Variants in PRDM11 observed in about 807,000 individuals in gnomAD.
PRDM11 encodes the protein PR domain-containing protein 11.
Under a neutral mutation model 97.8 loss-of-function variants are expected in PRDM11, and 20 were observed. That is an observed-to-expected ratio of 0.20 (90% confidence interval 0.14 to 0.30). The LOEUF is 0.30. Among genes scored for constraint, PRDM11 ranks in the 10% least tolerant of loss-of-function variants. The pLI, the probability that PRDM11 is intolerant of heterozygous loss-of-function variation, is 1.00. For synonymous variants in PRDM11, 599 were observed against 637.7 expected, an observed-to-expected ratio of 0.94 and a Z score of 0.91; for missense variants, 1,139 against 1,555.2, an observed-to-expected ratio of 0.73 and a Z score of 4.50.
At chr11:45,108,281 C>A (rs1374059244) in intron 1 of PRDM11, among the ~76,000 whole-genome samples, 1 of 152,224 alleles carries the variant, frequency 6.6e-6, no homozygotes, top group East Asian at 1.9e-4. Context: ...CGCTGCCCTG[C>A]TGCCCTGGCC....
intron 1 of PRDM11, among the ~76,000 whole-genome samples, chr11:45,167,160 G>T (rs1852084026): frequency 6.6e-6 from 1 of 152,206 alleles, no homozygotes; most frequent in African/African-American, 2.4e-5. Context: ...CTGGCACAAA[G>T]TAGGTGCTCA....
chr11:45,224,646 A>T lies in PRDM11; in HGVS notation c.1172A>T (p.Asp391Val). 6.2e-7 allele frequency: 1 copy of T among 1,614,226 alleles called. No individual in the cohort carries two copies. The highest frequency in any genetic ancestry group is 2.2e-5 in the East Asian group (1 of 44,878). Residue 391 changes from aspartate to valine, a missense_variant, in exon 7 of 8, where the codon GAC (aspartate) becomes GTC (valine). Asp to Val is a radical substitution (Grantham distance 152). Transcript: ENST00000683152. ...GAGGAGCCTTCATCATTCAAGGCCG[A>T]CAGTCCTGCCGAGGCCTCCCTTGCA... is the stretch of plus-strand genomic sequence containing the variant. The part of the protein sequence containing the change: ...EEEEPSSFKA[D>V]SPAEASLASD...
chr11:45,163,920 C>T (rs1314222084), intron 1 of PRDM11, among the ~76,000 whole-genome samples: 1 of 152,106 alleles, frequency 6.6e-6, no homozygotes, highest in Non-Finnish European at 1.5e-5. Flanking sequence ...GTGGGGCTCG[C>T]CAGGATCCAC....
At position 45,150,412 on chromosome 11, in the gene PRDM11, GT is replaced by G. The variant is rs1851631846; in HGVS notation, c.-7+3538del. On this transcript the variant is annotated intron_variant, in intron 1 of 7. Transcript: ENST00000683152. Reference sequence around the variant, plus strand: ...AGGGTTGCTTTGAGTGTGCTGTTGGGTTTGCACTTGAGAGTTGCTCACCAAA... The same window carrying G: ...AGGGTTGCTTTGAGTGTGCTGTTGGGTTGCACTTGAGAGTTGCTCACCAAA... Among the ~76,000 whole-genome samples, 6 of 152,324 alleles carry G rather than the reference GT, an allele frequency of 3.9e-5. No individual in the cohort carries two copies. In the South Asian group the frequency reaches 1.2e-3, roughly 32 times the overall value.
At chr11:45,193,884 C>T (rs2135767116) in intron 4 of PRDM11, among the ~76,000 whole-genome samples, 1 of 152,336 alleles carries the variant, frequency 6.6e-6, no homozygotes. Flanking sequence ...GGGTTCTTGG[C>T]TTCTCTCTCT....
rs1421482014 is a variant in PRDM11 at position 45,231,366 on chromosome 11, G to A, written c.*3207G>A. 1 of 152,128 alleles carries A rather than the reference G, an allele frequency of 6.6e-6. No homozygotes were observed. Among genetic ancestry groups the A allele is most frequent in the Non-Finnish European group, 1.5e-5 (1 of 68,056 alleles). 9.4% of individuals were successfully genotyped at this position (152,128 alleles called of 1,614,324 possible). On this transcript the variant is annotated 3_prime_UTR_variant, in exon 8 of 8. Coordinates refer to ENST00000683152, the MANE Select transcript of PRDM11 (RefSeq NM_001384648.1). ...TCAGGGTCTAGCCCAGGGAGCATAT[G>A]CTTGGCTAACCTAATCTCCCCTTGA...
At chr11:45,148,446 G>A (rs1342205178) in intron 1 of PRDM11, among the ~76,000 whole-genome samples, 1 of 152,188 alleles carries the variant, frequency 6.6e-6, no homozygotes, top group Non-Finnish European at 1.5e-5. Flanking sequence ...ACGGCAGAAG[G>A]TACTGACCTG....
At chr11:45,204,886 C>A in intron 5 of PRDM11, 108 bp downstream of exon 5, 1 of 1,205,472 alleles carries the variant, frequency 8.3e-7, no homozygotes, top group Non-Finnish European at 1.2e-6. Context: ...CTTCTGGAGG[C>A]TGCCGTTTGC....
At chr11:45,135,616 G>A (rs148777209) in intron 1 of PRDM11, among the ~76,000 whole-genome samples, 12 of 152,252 alleles carry the variant, frequency 7.9e-5, no homozygotes, top group African/African-American at 2.9e-4. Context: ...ACAGAAATAT[G>A]TTAGGTTTAT....
intron 1 of PRDM11, among the ~76,000 whole-genome samples, chr11:45,097,489 A>G (rs1444282092): frequency 6.6e-6 from 1 of 151,530 alleles, no homozygotes; most frequent in Non-Finnish European, 1.5e-5. Context: ...CTCCCATTTA[A>G]CAGGTGAGGA....
intron 1 of PRDM11, chr11:45,147,326 G>T (rs949358879): frequency 6.6e-6 from 1 of 150,868 alleles, no homozygotes; most frequent in Non-Finnish European, 1.5e-5. Context: ...CAGAGGGCTC[G>T]CCGCGGCCGC....
intron 1 of PRDM11, among the ~76,000 whole-genome samples, chr11:45,133,823 T>C (rs1286577888): frequency 6.6e-6 from 1 of 152,204 alleles, no homozygotes; most frequent in Non-Finnish European, 1.5e-5. Flanking sequence ...TGCCTCAACA[T>C]ACACCCCAGC....
At chr11:45,170,032 C>G (rs1184532154) in intron 1 of PRDM11, among the ~76,000 whole-genome samples, 1 of 152,150 alleles carries the variant, frequency 6.6e-6, no homozygotes, top group African/African-American at 2.4e-5. Flanking sequence ...TTGATGGTGA[C>G]ACACACTCTG....
intron 1 of PRDM11, among the ~76,000 whole-genome samples, chr11:45,115,207 C>T (rs1852275367): frequency 6.6e-6 from 1 of 151,624 alleles, no homozygotes; most frequent in Non-Finnish European, 1.5e-5. Flanking sequence ...AGCAAAGGTT[C>T]TTACTTTGAT....
In PRDM11 at chr11:45,226,024, A is replaced by C. The variant is rs1383380595; in HGVS notation, c.1399A>C (p.Ile467Leu). Reference protein sequence around the residue: ...ASESMVSGPAIMEDDDQEVDS... With the variant: ...ASESMVSGPALMEDDDQEVDS... Reference sequence around the variant, plus strand: ...AGAAAGCATGGTCTCCGGCCCCGCCATCATGGAGGATGATGACCAGGAAGT... The same window carrying C: ...AGAAAGCATGGTCTCCGGCCCCGCCCTCATGGAGGATGATGACCAGGAAGT... The change falls in exon 8 of 8, where the codon ATC becomes CTC. Residue 467 changes from isoleucine to leucine, a missense_variant. Transcript: ENST00000683152. 1 of 1,509,530 alleles carries C rather than the reference A, an allele frequency of 6.6e-7. No homozygotes were observed. The highest frequency in any genetic ancestry group is 8.9e-7 in the Non-Finnish European group (1 of 1,127,218). The allele number at this position is 1,509,530 out of a possible 1,614,324, so 93.5% of individuals were successfully genotyped here. A position where few individuals can be genotyped will look rare whatever the true frequency, so the allele number is the denominator to read the frequency against.
chr11:45,188,124 C>T (rs932170882), intron 4 of PRDM11, among the ~76,000 whole-genome samples: 1 of 152,158 alleles, frequency 6.6e-6, no homozygotes, highest in Non-Finnish European at 1.5e-5. Flanking sequence ...TCCCTCCACA[C>T]TCCCTCCCTC....
In PRDM11 at chr11:45,204,787, T is replaced by A. The variant is rs763630478; in HGVS notation, c.554+9T>A. Reference sequence around the variant, plus strand: ...AAAGCCAACTGGATGAGGTGAGCCCTGCTCTGCTGATGTCCCGGGGGTCTT... The same window carrying A: ...AAAGCCAACTGGATGAGGTGAGCCCAGCTCTGCTGATGTCCCGGGGGTCTT... On this transcript the variant is annotated intron_variant, in intron 5 of 7. Transcript: ENST00000683152. 3 of 1,604,652 alleles carry A rather than the reference T, an allele frequency of 1.9e-6. No homozygotes were observed. The African/African-American group carries it at 4.0e-5, about 21-fold the overall frequency.
At chr11:45,173,137 G>A (rs1008247130) in intron 1 of PRDM11, among the ~76,000 whole-genome samples, 18 of 152,208 alleles carry the variant, frequency 1.2e-4, no homozygotes, top group Non-Finnish European at 2.4e-4. Flanking sequence ...AGGTGGCATT[G>A]CTAGAATTGG....
chr11:45,206,550 C>T lies in PRDM11; in HGVS notation c.554+1772C>T, dbSNP rs1246780812. On this transcript the variant is annotated intron_variant, in intron 5 of 7. Transcript: ENST00000683152. Reference sequence around the variant, plus strand: ...TGCTTTTAAGGCGCCGGGAGCTTTGCCCATAGAACCGAATCTGTTCCACTC... The same window carrying T: ...TGCTTTTAAGGCGCCGGGAGCTTTGTCCATAGAACCGAATCTGTTCCACTC... Among the ~76,000 whole-genome samples, 12 of 152,194 alleles carry T rather than the reference C, an allele frequency of 7.9e-5. No homozygotes were observed. The East Asian group carries it at 2.3e-3, about 29-fold the overall frequency.
Sources: gnomAD v4.1 joint callset for allele counts (sites outside exome capture counted in the v4.1 genomes callset) on GRCh38, gnomAD v4.1.1 for gene constraint, MANE v1.5 for transcripts, NCBI Gene and HGNC (gene_info 2026-07-23, HGNC 2026-07-21) for gene names.